Variants in CNTNAP2 observed in about 807,000 individuals in gnomAD.
CNTNAP2 encodes the protein contactin-associated protein-like 2.
In CNTNAP2, 98 loss-of-function variants were observed where a neutral mutation model predicts 155.2. That is an observed-to-expected ratio of 0.63 (90% CI 0.54 to 0.75). The LOEUF (loss-of-function observed/expected upper bound fraction) is 0.75, where lower values mean the gene tolerates loss of function less well. CNTNAP2 is among the 30% of genes least tolerant of loss of function. CNTNAP2 has a pLI of 0.00. For missense variants in CNTNAP2, 1,727 were observed against 1,688.1 expected, an observed-to-expected ratio of 1.02 and a Z score of -0.40; for synonymous variants, 651 against 631.2, an observed-to-expected ratio of 1.03 and a Z score of -0.47.
chr7:147,808,655 A>G (rs1372254906), intron 13 of CNTNAP2, among the ~76,000 whole-genome samples: 1 of 152,228 alleles, frequency 6.6e-6, no homozygotes, highest in African/African-American at 2.4e-5. Context: ...TGAAGACCAC[A>G]TAAAAATGCT....
chr7:147,882,145 GA>G (rs201282469), intron 13 of CNTNAP2, among the ~76,000 whole-genome samples: 9 of 150,306 alleles, frequency 6.0e-5, no homozygotes, highest in African/African-American at 2.0e-4. Flanking sequence ...AACATAATCA[GA>G]AAAAAAAATC....
At chr7:146,670,218 C>A (rs2642517) in intron 1 of CNTNAP2, among the ~76,000 whole-genome samples, 123,047 of 152,096 alleles carry the variant, frequency 0.81, 50,383 homozygotes, top group South Asian at 0.91. Context: ...CAGGCAACAT[C>A]TGCTAAGAAC....
intron 1 of CNTNAP2, among the ~76,000 whole-genome samples, chr7:146,765,803 G>A (rs1287893594): frequency 1.3e-5 from 2 of 152,184 alleles, no homozygotes; most frequent in East Asian, 1.9e-4. Context: ...AGTGAAGGTA[G>A]TATTTGCGTC....
chr7:147,806,007 A>G (rs1798083530), intron 13 of CNTNAP2, among the ~76,000 whole-genome samples: 2 of 152,226 alleles, frequency 1.3e-5, no homozygotes, highest in South Asian at 4.1e-4. Context: ...AAGTAGGATT[A>G]CATCAAGCTA....
intron 2 of CNTNAP2, among the ~76,000 whole-genome samples, chr7:146,788,286 G>T (rs776016316): frequency 5.9e-5 from 9 of 152,230 alleles, no homozygotes; most frequent in Non-Finnish European, 1.2e-4. Flanking sequence ...AGGGCTCCTG[G>T]AGTGCGGCCA....
intron 8 of CNTNAP2, among the ~76,000 whole-genome samples, chr7:147,290,182 A>C (rs1805272167): frequency 6.6e-6 from 1 of 152,174 alleles, no homozygotes; most frequent in Non-Finnish European, 1.5e-5. Flanking sequence ...TTCTGTTTAA[A>C]GTTACTGTAT....
At chr7:147,235,277 C>T (rs1803773774) in intron 8 of CNTNAP2, among the ~76,000 whole-genome samples, 1 of 151,630 alleles carries the variant, frequency 6.6e-6, no homozygotes, top group Admixed American at 6.6e-5. Context: ...GATCCTTAGA[C>T]TTGCGAGGTT....
chr7:148,198,905 T>G (rs1795322667), intron 18 of CNTNAP2, among the ~76,000 whole-genome samples: 1 of 152,138 alleles, frequency 6.6e-6, no homozygotes, highest in South Asian at 2.1e-4. Flanking sequence ...GAAATTAGTC[T>G]CATGTGGGTG....
intron 20 of CNTNAP2, among the ~76,000 whole-genome samples, chr7:148,247,625 C>CTATA (rs1554407428): frequency 9.5e-6 from 1 of 105,314 alleles, no homozygotes; most frequent in Non-Finnish European, 1.8e-5. Flanking sequence ...CTCTCTCTCT[C>CTATA]TATTTATTTA....
At chr7:147,544,131 C>T (rs2116750562) in intron 11 of CNTNAP2, among the ~76,000 whole-genome samples, 1 of 152,194 alleles carries the variant, frequency 6.6e-6, no homozygotes, top group South Asian at 2.1e-4. Context: ...ATTACCAAAG[C>T]CATCAGAGAT....
At chr7:147,591,911 T>G (rs1481903406) in intron 12 of CNTNAP2, among the ~76,000 whole-genome samples, 2 of 152,202 alleles carry the variant, frequency 1.3e-5, no homozygotes, top group Non-Finnish European at 2.9e-5. Context: ...ATTTCATCTC[T>G]GCCTTAATCC....
At chr7:148,358,181 G>A (rs115352255) in intron 21 of CNTNAP2, among the ~76,000 whole-genome samples, 2,958 of 152,264 alleles carry the variant, frequency 0.019, 92 homozygotes, top group African/African-American at 0.068. Context: ...CACAGCCAGG[G>A]GGCTGGGAGA....
At chr7:146,666,268 C>A (rs1800193469) in intron 1 of CNTNAP2, among the ~76,000 whole-genome samples, 2 of 152,124 alleles carry the variant, frequency 1.3e-5, no homozygotes, top group Admixed American at 1.3e-4. Context: ...CTGTTCCTGG[C>A]TTATGTCACT....
intron 1 of CNTNAP2, among the ~76,000 whole-genome samples, chr7:146,742,897 A>T (rs1801743959): frequency 6.6e-6 from 1 of 152,162 alleles, no homozygotes; most frequent in Admixed American, 6.5e-5. Flanking sequence ...GCTATTTCTC[A>T]TATTCTCATA....
At chr7:146,465,979 C>T (rs1796712313) in intron 1 of CNTNAP2, among the ~76,000 whole-genome samples, 2 of 152,058 alleles carry the variant, frequency 1.3e-5, no homozygotes, top group Admixed American at 1.3e-4. Flanking sequence ...GTGTTTGCTA[C>T]TTACCTGAGT....
intron 1 of CNTNAP2, among the ~76,000 whole-genome samples, chr7:146,616,592 A>T (rs1489095095): frequency 1.3e-5 from 2 of 152,152 alleles, no homozygotes; most frequent in African/African-American, 4.8e-5. Flanking sequence ...GTGAATTTAT[A>T]GTCAAAAAAA....
intron 4 of CNTNAP2, among the ~76,000 whole-genome samples, chr7:147,095,371 C>T (rs1242047621): frequency 6.6e-6 from 1 of 151,870 alleles, no homozygotes; most frequent in Non-Finnish European, 1.5e-5. Context: ...TAATTTCATT[C>T]ATGAGGACTT....
At chr7:146,801,404 C>G (rs1238093654) in intron 2 of CNTNAP2, among the ~76,000 whole-genome samples, 1 of 152,058 alleles carries the variant, frequency 6.6e-6, no homozygotes, top group African/African-American at 2.4e-5. Flanking sequence ...ATATCATTGA[C>G]CAAACATTTA....
intron 20 of CNTNAP2, among the ~76,000 whole-genome samples, chr7:148,252,289 C>G (rs191626859): frequency 6.6e-6 from 1 of 152,294 alleles, no homozygotes; most frequent in Admixed American, 6.5e-5. Flanking sequence ...TCCAGACACA[C>G]CGACATGTGC....
Sources: allele counts gnomAD v4.1 joint callset (sites outside exome capture counted in the v4.1 genomes callset), GRCh38; gene constraint gnomAD v4.1.1; transcripts MANE v1.5; gene names NCBI Gene and HGNC (gene_info 2026-07-23, HGNC 2026-07-21).